Variants in LHFPL6 observed in about 807,000 individuals in gnomAD.
The protein encoded by LHFPL6 is LHFPL tetraspan subfamily member 6.
LHFPL6 carries 9 observed loss-of-function variants against 20.6 expected under a neutral mutation model. The observed-to-expected ratio is 0.44, with a 90% CI of 0.26 to 0.76. LHFPL6 has a LOEUF of 0.76. LHFPL6 is among the 30% of genes least tolerant of loss of function. The pLI, the probability that LHFPL6 is intolerant of heterozygous loss-of-function variation, is 0.20. For missense variants in LHFPL6, 218 were observed against 253.5 expected (o/e 0.86, Z 0.95); for synonymous variants, 105 against 98.7 (o/e 1.06, Z -0.38).
At chr13:39,436,316 A>T (rs1158016281) in intron 2 of LHFPL6, among the ~76,000 whole-genome samples, 1 of 152,224 alleles carries the variant, frequency 6.6e-6, no homozygotes. Context: ...AAAGTTGTGA[A>T]ATTATGAGTA....
intron 3 of LHFPL6, among the ~76,000 whole-genome samples, chr13:39,371,895 G>A (rs989732820): frequency 1.3e-5 from 2 of 152,212 alleles, no homozygotes; most frequent in African/African-American, 4.8e-5. Context: ...TTTCTGGGGA[G>A]AAGCTTGTCC....
chr13:39,443,419 C>T (rs1295242056), intron 2 of LHFPL6, among the ~76,000 whole-genome samples: 2 of 152,000 alleles, frequency 1.3e-5, no homozygotes, highest in Non-Finnish European at 2.9e-5. Context: ...AAAATTGGTA[C>T]AGAGAATGGG....
chr13:39,408,026 C>T (rs1420048419), intron 2 of LHFPL6, among the ~76,000 whole-genome samples: 1 of 152,192 alleles, frequency 6.6e-6, no homozygotes, highest in Non-Finnish European at 1.5e-5. Flanking sequence ...CCAGAGACTA[C>T]TTACTCATCT....
At position 39,558,523 on chromosome 13, in the gene LHFPL6, A is replaced by G. The variant is rs1435866338; in HGVS notation, c.385+42309T>C. Reference sequence around the variant, plus strand: ...CAATGTTCTCTCATAATGATGAAATATTTTTTCACCAATAGAACTTGCTTC... The same window carrying G: ...CAATGTTCTCTCATAATGATGAAATGTTTTTTCACCAATAGAACTTGCTTC... On this transcript the variant is annotated intron_variant, in intron 2 of 3. Coordinates refer to ENST00000379589, the MANE Select transcript of LHFPL6 (RefSeq NM_005780.3). Among the ~76,000 whole-genome samples, 2 of 152,078 alleles carry G rather than the reference A, an allele frequency of 1.3e-5. 1 individual carries two copies.
chr13:39,403,882 G>A (rs1225431841), intron 2 of LHFPL6, among the ~76,000 whole-genome samples: 1 of 152,164 alleles, frequency 6.6e-6, no homozygotes, highest in Non-Finnish European at 1.5e-5. Context: ...TAGAAAAATG[G>A]CGTCTGTGGC....
chr13:39,407,753 C>A (rs1871149351), intron 2 of LHFPL6, among the ~76,000 whole-genome samples: 1 of 152,134 alleles, frequency 6.6e-6, no homozygotes, highest in Admixed American at 6.6e-5. Context: ...AGAACATATA[C>A]CTTTGCACAT....
Position 39,411,558 on chromosome 13 carries a change from T to C in LHFPL6, c.386-33032A>G, listed in dbSNP as rs566792118. On this transcript the variant is annotated intron_variant, in intron 2 of 3. Coordinates refer to ENST00000379589, the MANE Select transcript of LHFPL6 (RefSeq NM_005780.3). ...TAACCAAGTCCTGCCCTTATAATAG[T>C]GTTGTGTTTATCTCACGAGGACCCT... is the stretch of plus-strand genomic sequence containing the variant. Among the ~76,000 whole-genome samples the C allele has an allele frequency of 6.6e-5, 10 of 152,278 alleles. No individual in the cohort carries two copies. In the East Asian group the frequency reaches 1.5e-3, roughly 24 times the overall value.
rs992334644 is a variant in LHFPL6, at chr13:39,601,144, C to A, written c.73G>T (p.Val25Leu). Residue 25 changes from valine (V) to leucine (L), a missense_variant, in exon 2 of 4, where the codon GTG becomes TTG. Val to Leu is a conservative substitution (Grantham distance 32). Transcript: ENST00000379589. ...AGCCAGTAAGGCATAAAGAACCCCA[C>A]GCAGGAGGTGGCAGCACAAAGAAAA... Reference protein sequence around the residue: ...LSFLCAATSCVGFFMPYWLWG... With the variant: ...LSFLCAATSCLGFFMPYWLWG... 6.2e-7 allele frequency: 1 copy of A among 1,614,104 alleles called. No homozygotes were observed. Among genetic ancestry groups the A allele is most frequent in the South Asian group, 1.1e-5 (1 of 91,078 alleles).
At chr13:39,537,093 G>C (rs751690538) in intron 2 of LHFPL6, among the ~76,000 whole-genome samples, 2 of 152,168 alleles carry the variant, frequency 1.3e-5, no homozygotes, top group African/African-American at 4.8e-5. Flanking sequence ...AAGCCTTGTG[G>C]GAATTTTTAA....
chr13:39,465,379 T>C (rs1872778964), intron 2 of LHFPL6, among the ~76,000 whole-genome samples: 1 of 152,216 alleles, frequency 6.6e-6, no homozygotes, highest in Non-Finnish European at 1.5e-5. Flanking sequence ...TAAAAAATTC[T>C]AGGCTCTTGC....
intron 2 of LHFPL6, among the ~76,000 whole-genome samples, chr13:39,518,545 G>C (rs1171763669): frequency 6.6e-6 from 1 of 151,770 alleles, no homozygotes; most frequent in Non-Finnish European, 1.5e-5. Context: ...TTTTTTCTTT[G>C]TTAACTTCAT....
chr13:39,534,674 G>C (rs538231685), intron 2 of LHFPL6, among the ~76,000 whole-genome samples: 43 of 152,156 alleles, frequency 2.8e-4, no homozygotes, highest in Non-Finnish European at 5.0e-4. Flanking sequence ...CAAGAAAATG[G>C]CTAAGAGTGG....
In LHFPL6 at chr13:39,343,844, A is replaced by G. The variant is rs1869317968; in HGVS notation, c.*92T>C. 1.2e-6 allele frequency: 1 copy of G among 847,464 alleles called. No homozygotes were observed. Among genetic ancestry groups the G allele is most frequent in the African/African-American group, 1.7e-5 (1 of 60,036 alleles). The allele number at this position is 847,464 out of a possible 1,614,324, so 52.5% of individuals were successfully genotyped here. On this transcript the variant is annotated 3_prime_UTR_variant, in exon 4 of 4. Transcript: ENST00000379589. The stretch of plus-strand genomic sequence containing the variant: ...ATTAGCATTGTATTGGATTAGAACT[A>G]CTATCCCACCTTTTGAAGGTAGGTG...
chr13:39,502,494 G>A (rs1209994701), intron 2 of LHFPL6, among the ~76,000 whole-genome samples: 3 of 150,852 alleles, frequency 2.0e-5, no homozygotes, highest in South Asian at 2.1e-4. Flanking sequence ...ATGGTGGCGC[G>A]CCTGTGGTTC....
intron 3 of LHFPL6, among the ~76,000 whole-genome samples, chr13:39,361,704 C>G (rs567333287): frequency 2.0e-5 from 3 of 152,300 alleles, no homozygotes; most frequent in Non-Finnish European, 4.4e-5. Context: ...CCATGACAAA[C>G]AATACCCAGC....
At chr13:39,403,579 C>A (rs951808627) in intron 2 of LHFPL6, among the ~76,000 whole-genome samples, 1 of 152,164 alleles carries the variant, frequency 6.6e-6, no homozygotes, top group Non-Finnish European at 1.5e-5. Flanking sequence ...TCAGTAAGAG[C>A]CACACTCCAG....
At chr13:39,438,253 C>A (rs1303661480) in intron 2 of LHFPL6, among the ~76,000 whole-genome samples, 2 of 152,148 alleles carry the variant, frequency 1.3e-5, no homozygotes, top group East Asian at 3.9e-4. Flanking sequence ...GAATTTTGAA[C>A]TTGAGACTGA....
At chr13:39,559,196 T>C (rs1257536158) in intron 2 of LHFPL6, among the ~76,000 whole-genome samples, 1 of 152,118 alleles carries the variant, frequency 6.6e-6, no homozygotes, top group Non-Finnish European at 1.5e-5. Flanking sequence ...GTGCCTCTCC[T>C]CCAGGGACAG....
chr13:39,448,661 A>C (rs771424708), intron 2 of LHFPL6, among the ~76,000 whole-genome samples: 99 of 152,336 alleles, frequency 6.5e-4, no homozygotes, highest in Non-Finnish European at 1.2e-3. Flanking sequence ...TCTTTTTAAC[A>C]GAACTTTTGG....
Sources: gnomAD v4.1 joint callset for allele counts (sites outside exome capture counted in the v4.1 genomes callset) on GRCh38, gnomAD v4.1.1 for gene constraint, MANE v1.5 for transcripts, NCBI Gene and HGNC (gene_info 2026-07-23, HGNC 2026-07-21) for gene names.